The following IGSF9B variants were observed in gnomAD, a reference collection of about 807,000 sequenced individuals.
IGSF9B encodes protein turtle homolog B.
In IGSF9B, 48 loss-of-function variants were observed where a neutral mutation model predicts 143.7. The observed-to-expected ratio is 0.33, with a 90% CI of 0.26 to 0.42. IGSF9B has a LOEUF of 0.42. IGSF9B is among the 20% of genes least tolerant of loss of function. The pLI is 1.00. For synonymous variants in IGSF9B, 903 were observed against 833.1 expected, an observed-to-expected ratio of 1.08 and a Z score of -1.44; for missense variants, 1,706 against 1,980.0, an observed-to-expected ratio of 0.86 and a Z score of 2.63.
At chr11:133,936,679 T>TCCAGGCTGCTGAGGGACCTCTGGC (rs1459946718) in intron 5 of IGSF9B, among the ~76,000 whole-genome samples, 1 of 151,986 alleles carries the variant, frequency 6.6e-6, no homozygotes, top group African/African-American at 2.4e-5. Context: ...ACAGCTTCCA[T>TCCAGGCTGCTGAGGGACCTCTGGC]CCAGGCTGCT....
chr11:133,947,352 C>A (rs73034287), intron 1 of IGSF9B, among the ~76,000 whole-genome samples: 1 of 152,196 alleles, frequency 6.6e-6, no homozygotes, highest in Admixed American at 6.5e-5. Flanking sequence ...AGCCTCACCC[C>A]CTTCATTCCC....
chr11:133,940,061 C>T lies in IGSF9B; in HGVS notation c.410-2100G>A, dbSNP rs565733969. Reference sequence around the variant, plus strand: ...CCTCGCATGTCCTCGCACGTGTCATCATATACAGAAACATACACCTTGCAC... The same window carrying T: ...CCTCGCATGTCCTCGCACGTGTCATTATATACAGAAACATACACCTTGCAC... On this transcript the variant is annotated intron_variant, in intron 3 of 19. Coordinates refer to ENST00000533871, the MANE Select transcript of IGSF9B (RefSeq NM_001277285.4). Among the ~76,000 whole-genome samples, 440 of 118,774 alleles carry T rather than the reference C, an allele frequency of 3.7e-3. 3 individuals are homozygous for T. The highest frequency in any genetic ancestry group is 0.011 in the African/African-American group (403 of 37,284). 77.9% of individuals were successfully genotyped at this position (118,774 alleles called of 152,430 possible).
At chr11:133,911,555 C>G (rs1283615491) in intron 19 of IGSF9B, among the ~76,000 whole-genome samples, 1 of 152,188 alleles carries the variant, frequency 6.6e-6, no homozygotes, top group African/African-American at 2.4e-5. Context: ...GATACATTTT[C>G]TGAAGCTGTA....
Position 133,953,729 on chromosome 11 carries a change from C to T in IGSF9B, c.64+2962G>A, listed in dbSNP as rs751629176. ...AAAGTCTGGGACTTTCCTCCCCTAT[C>T]CAAGGTCCACAATCAGCTAAGCACG... On this transcript the variant is annotated intron_variant, in intron 1 of 19. Transcript: ENST00000533871. This position sits in a 1 kb window ranked among gnomAD's most constrained non-coding sequence, Gnocchi z 4.2. Among the ~76,000 whole-genome samples, 2 of 152,152 alleles carry T rather than the reference C, an allele frequency of 1.3e-5. No individual in the cohort carries two copies. The highest frequency in any genetic ancestry group is 2.4e-5 in the African/African-American group (1 of 41,432).
intron 3 of IGSF9B, among the ~76,000 whole-genome samples, chr11:133,941,644 G>A (rs1252807123): frequency 3.3e-5 from 5 of 152,302 alleles, no homozygotes; most frequent in East Asian, 3.9e-4. Flanking sequence ...GCGCAGGTAG[G>A]TGCCTTGATT....
chr11:133,946,035 C>T (rs374941996), intron 2 of IGSF9B, 26 bp downstream of exon 2: 6 of 1,487,914 alleles, frequency 4.0e-6, no homozygotes, highest in South Asian at 2.7e-5. Flanking sequence ...GGGGAAGGTG[C>T]GGGAGACCGG....
chr11:133,898,062 T>C lies in IGSF9B; in HGVS notation c.*11007A>G, dbSNP rs1163192929. 6.6e-6 allele frequency: 1 copy of C among 152,158 alleles called. No individual in the cohort carries two copies. The highest frequency in any genetic ancestry group is 2.4e-5 in the African/African-American group (1 of 41,432). The allele number at this position is 152,158 out of a possible 1,614,324, so 9.4% of individuals were successfully genotyped here. A position where few individuals can be genotyped will look rare whatever the true frequency, so the allele number is the denominator to read the frequency against. ...TGGGAGGAAGGAGATTCAGCCCAAC[T>C]GGCCTCTTCGAGAACAGCACCATGA... is the stretch of plus-strand genomic sequence containing the variant. On this transcript the variant is annotated 3_prime_UTR_variant, in exon 20 of 20. Coordinates refer to ENST00000533871, the MANE Select transcript of IGSF9B (RefSeq NM_001277285.4).
intron 3 of IGSF9B, among the ~76,000 whole-genome samples, chr11:133,939,137 C>T (rs12278050): frequency 0.18 from 28,127 of 152,216 alleles, 3,305 homozygotes; most frequent in Non-Finnish European, 0.27. Context: ...CACTGGCTGC[C>T]TTTGTCTTCC....
In IGSF9B at chr11:133,926,900, C is replaced by A; in HGVS notation, c.1807+16G>T. 1 of 1,561,698 alleles carries A rather than the reference C, an allele frequency of 6.4e-7. No homozygotes were observed. The highest frequency in any genetic ancestry group is 1.2e-5 in the South Asian group (1 of 85,224). Reference sequence around the variant, plus strand: ...TCTACAACCCCCGCTCCCAACATCCCACCCCGGGCCCTCACCTAAAGTGTT... The same window carrying A: ...TCTACAACCCCCGCTCCCAACATCCAACCCCGGGCCCTCACCTAAAGTGTT... On this transcript the variant is annotated intron_variant, in intron 13 of 19. Coordinates refer to ENST00000533871, the MANE Select transcript of IGSF9B (RefSeq NM_001277285.4).
intron 1 of IGSF9B, among the ~76,000 whole-genome samples, chr11:133,950,480 G>C (rs1301097984): frequency 6.6e-6 from 1 of 152,200 alleles, no homozygotes; most frequent in African/African-American, 2.4e-5. Flanking sequence ...AAGTTACTAG[G>C]TTCCAGCTGT....
At chr11:133,943,417 A>G (rs1281178434) in intron 3 of IGSF9B, among the ~76,000 whole-genome samples, 1 of 152,030 alleles carries the variant, frequency 6.6e-6, no homozygotes, top group Non-Finnish European at 1.5e-5. Context: ...ACCTCCTTCC[A>G]GGGACACAAA....
intron 7 of IGSF9B, among the ~76,000 whole-genome samples, chr11:133,932,419 A>G (rs931491158): frequency 1.4e-5 from 2 of 147,040 alleles, no homozygotes; most frequent in Non-Finnish European, 3.0e-5. Context: ...GGGAGAGCAG[A>G]CAGACAGACA....
chr11:133,947,511 G>A (rs568981113), intron 1 of IGSF9B, among the ~76,000 whole-genome samples: 1 of 152,296 alleles, frequency 6.6e-6, no homozygotes, highest in Non-Finnish European at 1.5e-5. Context: ...AGCCAGCTGG[G>A]GACTCCCGCA....
intron 11 of IGSF9B, 83 bp downstream of exon 11, chr11:133,930,901 G>A: frequency 1.5e-6 from 2 of 1,346,906 alleles, no homozygotes; most frequent in Non-Finnish European, 2.0e-6. Flanking sequence ...CGGCCACCAG[G>A]GGACGCTCCC....
At position 133,932,161 on chromosome 11, in the gene IGSF9B, G is replaced by A; in HGVS notation, c.1020C>T (p.Ile340=). Residue 340 remains isoleucine, a synonymous_variant, in exon 8 of 20, where the codon ATC becomes ATT. Coordinates refer to ENST00000533871, the MANE Select transcript of IGSF9B (RefSeq NM_001277285.4). The part of the protein sequence containing the change: ...MPPVIYVPVG[I]HGYIRCPVDA... Reference sequence around the variant, plus strand: ...CCACAGGGCAGCGGATGTAGCCATGGATCCCCACGGGCACGTAAATCACAG... The same window carrying A: ...CCACAGGGCAGCGGATGTAGCCATGAATCCCCACGGGCACGTAAATCACAG... The A allele has an allele frequency of 6.2e-7, 1 of 1,607,762 alleles. No individual in the cohort carries two copies. Among genetic ancestry groups the A allele is most frequent in the Non-Finnish European group, 8.5e-7 (1 of 1,177,044 alleles).
rs767852113 is a variant in IGSF9B at position 133,929,791 on chromosome 11, C to T, written c.1520-9G>A. ...GGCATGGGGGCTGGTGCCTGGAGAT[C>T]AAGTGGAGACCTCTCAGACTGAAAA... On this transcript the variant is annotated splice_polypyrimidine_tract_variant and intron_variant, in intron 11 of 19. Coordinates refer to ENST00000533871, the MANE Select transcript of IGSF9B (RefSeq NM_001277285.4). The T allele has an allele frequency of 3.8e-6, 6 of 1,585,534 alleles. No homozygotes were observed. The African/African-American group carries it at 8.1e-5, about 21-fold the overall frequency.
At chr11:133,927,488 A>C (rs1188009027) in intron 12 of IGSF9B, among the ~76,000 whole-genome samples, 2 of 152,256 alleles carry the variant, frequency 1.3e-5, no homozygotes, top group African/African-American at 4.8e-5. Context: ...TGAGGGAAGG[A>C]GCCCAGGACC....
chr11:133,927,123 G>A lies in IGSF9B; in HGVS notation c.1632-32C>T, dbSNP rs752122379. 1.2e-4 allele frequency: 184 copies of A among 1,519,026 alleles called. 1 individual carries two copies. The highest frequency in any genetic ancestry group is 1.8e-4 in the Middle Eastern group (1 of 5,638). The allele number at this position is 1,519,026 out of a possible 1,614,324, so 94.1% of individuals were successfully genotyped here. ...AAAAGAGAGAGACAGGATAGGGGAC[G>A]AGGGGCGGGGTGGGTCACACTGGAG... On this transcript the variant is annotated intron_variant, in intron 12 of 19. Coordinates refer to ENST00000533871, the MANE Select transcript of IGSF9B (RefSeq NM_001277285.4).
In IGSF9B at chr11:133,949,790, C is replaced by A. The variant is rs558753877; in HGVS notation, c.65-3532G>T. Among the ~76,000 whole-genome samples the A allele has an allele frequency of 1.7e-3, 258 of 152,100 alleles. 1 individual carries two copies. Among genetic ancestry groups the A allele is most frequent in the African/African-American group, 6.0e-3 (247 of 41,496 alleles). On this transcript the variant is annotated intron_variant, in intron 1 of 19. Coordinates refer to ENST00000533871, the MANE Select transcript of IGSF9B (RefSeq NM_001277285.4). ...GAAGGGGAGGGTGGAGTGTGCTGAGCCCCTCTCCATCACAGCAGCTCAGAG... is the reference window on the plus strand; with the variant it reads ...GAAGGGGAGGGTGGAGTGTGCTGAGACCCTCTCCATCACAGCAGCTCAGAG...
Sources: allele counts gnomAD v4.1 joint callset (sites outside exome capture counted in the v4.1 genomes callset), GRCh38; gene constraint gnomAD v4.1.1; non-coding constraint Gnocchi (gnomAD v3.1); transcripts MANE v1.5; gene names NCBI Gene and HGNC (gene_info 2026-07-23, HGNC 2026-07-21).